The following NREP variants were observed in gnomAD, a reference collection of about 807,000 sequenced individuals.
NREP encodes the protein neuronal regeneration related protein, also known as neuronal regeneration-related protein.
Under a neutral mutation model 8.6 loss-of-function variants are expected in NREP, and 5 were observed. The ratio of observed to expected loss-of-function variants is 0.58; its 90% confidence interval spans 0.30 to 1.22. The LOEUF (loss-of-function observed/expected upper bound fraction) is 1.22, where lower values mean the gene tolerates loss of function less well. Among genes scored for constraint, NREP ranks in the 50% most tolerant of loss-of-function variants. The pLI, the probability that NREP is intolerant of heterozygous loss-of-function variation, is 0.07. For missense variants in NREP, 86 were observed against 82.5 expected (o/e 1.04, Z -0.17); for synonymous variants, 27 against 28.0 (o/e 0.96, Z 0.11).
intron 2 of NREP, among the ~76,000 whole-genome samples, chr5:111,780,033 G>T (rs544337593): frequency 6.6e-6 from 1 of 152,198 alleles, no homozygotes; most frequent in Non-Finnish European, 1.5e-5. Context: ...TCCAATGCAC[G>T]CTAGTGCAAT....
chr5:111,953,305 C>T (rs1194390389), intron 2 of NREP, among the ~76,000 whole-genome samples: 1 of 152,276 alleles, frequency 6.6e-6, no homozygotes, highest in East Asian at 1.9e-4. Flanking sequence ...TTGCAGCAAA[C>T]ATGGCAGTGG....
chr5:111,833,438 C>T (rs577362850), intron 2 of NREP, among the ~76,000 whole-genome samples: 1 of 152,204 alleles, frequency 6.6e-6, no homozygotes, highest in Admixed American at 6.5e-5. Flanking sequence ...TCATTCTAGA[C>T]TTTTCTCCTT....
intron 2 of NREP, among the ~76,000 whole-genome samples, chr5:111,795,648 G>C (rs1395947203): frequency 6.6e-6 from 1 of 152,030 alleles, no homozygotes; most frequent in African/African-American, 2.4e-5. Context: ...CAGTCATTTT[G>C]CATTTTTGTT....
intron 2 of NREP, among the ~76,000 whole-genome samples, chr5:111,865,250 A>C (rs976525771): frequency 5.9e-5 from 9 of 152,112 alleles, no homozygotes; most frequent in African/African-American, 2.2e-4. Context: ...GATTTGCAAA[A>C]ATTTTTTCTA....
intron 3 of NREP, among the ~76,000 whole-genome samples, chr5:111,731,257 A>G (rs1454013819): frequency 6.6e-6 from 1 of 152,148 alleles, no homozygotes; most frequent in East Asian, 1.9e-4. Context: ...GTAATTAAAC[A>G]CTGGCCACCT....
chr5:111,763,645 G>C (rs1202907098), intron 2 of NREP, among the ~76,000 whole-genome samples: 1 of 152,188 alleles, frequency 6.6e-6, no homozygotes. Flanking sequence ...CCTCCTTCTT[G>C]CCTTAAAACT....
chr5:111,874,908 G>C (rs962386873), intron 2 of NREP, among the ~76,000 whole-genome samples: 1 of 152,088 alleles, frequency 6.6e-6, no homozygotes, highest in African/African-American at 2.4e-5. Flanking sequence ...GAGTAGGCTA[G>C]GATATCTGAA....
chr5:111,758,377 T>C (rs6594535), upstream of NREP, among the ~76,000 whole-genome samples: 41,482 of 152,232 alleles, frequency 0.27, 6,327 homozygotes, highest in Non-Finnish European at 0.34. Flanking sequence ...AAATCGAGGA[T>C]TGCTTTAAAA....
At chr5:111,732,707 T>A (rs1748709925) in intron 3 of NREP, 1 of 150,900 alleles carries the variant, frequency 6.6e-6, no homozygotes, top group Non-Finnish European at 1.5e-5. Flanking sequence ...CCAGTGTCTT[T>A]AAAATAATGC....
chr5:111,838,026 T>TTAGA (rs1212900572), intron 2 of NREP, among the ~76,000 whole-genome samples: 2 of 152,032 alleles, frequency 1.3e-5, no homozygotes, highest in African/African-American at 4.8e-5. Context: ...AATACAGGGG[T>TTAGA]TAGATTAGCA....
At chr5:111,935,702 G>T (rs951265116) in intron 2 of NREP, among the ~76,000 whole-genome samples, 1 of 152,036 alleles carries the variant, frequency 6.6e-6, no homozygotes, top group Admixed American at 6.6e-5. Context: ...GAGTAAAATT[G>T]TAACGTCCAC....
chr5:111,938,609 T>C (rs1385754267), intron 2 of NREP, among the ~76,000 whole-genome samples: 1 of 152,072 alleles, frequency 6.6e-6, no homozygotes, highest in Non-Finnish European at 1.5e-5. Flanking sequence ...ATGTGTGACC[T>C]CTAGAACAAG....
At chr5:111,753,557 A>G (rs1267885177) in intron 2 of NREP, among the ~76,000 whole-genome samples, 3 of 152,022 alleles carry the variant, frequency 2.0e-5, no homozygotes, top group Non-Finnish European at 4.4e-5. Flanking sequence ...CACTAAAATG[A>G]GCTGATTATA....
upstream of NREP, chr5:111,757,358 G>A: frequency 1.1e-6 from 1 of 913,386 alleles, no homozygotes; most frequent in South Asian, 5.0e-5. Flanking sequence ...GGAAAAAGGA[G>A]GAGGAGATCA....
chr5:111,758,079 C>G, upstream of NREP: 1 of 985,522 alleles, frequency 1.0e-6, no homozygotes, highest in Admixed American at 6.1e-5. Context: ...ACAAAGAGTC[C>G]GCGAAGGATG....
intron 2 of NREP, among the ~76,000 whole-genome samples, chr5:111,899,402 T>C (rs1268910967): frequency 1.3e-5 from 2 of 152,136 alleles, no homozygotes; most frequent in Non-Finnish European, 2.9e-5. Context: ...TAGTACTAGC[T>C]ACTTGGAAGG....
At chr5:111,870,630 A>G (rs1338911396) in intron 2 of NREP, among the ~76,000 whole-genome samples, 1 of 152,122 alleles carries the variant, frequency 6.6e-6, no homozygotes, top group Non-Finnish European at 1.5e-5. Flanking sequence ...TGATGTCCTA[A>G]CCTCCAGCAC....
intron 2 of NREP, among the ~76,000 whole-genome samples, chr5:111,799,478 G>T (rs1415129761): frequency 6.6e-6 from 1 of 152,194 alleles, no homozygotes; most frequent in African/African-American, 2.4e-5. Flanking sequence ...TGTTGAAGAA[G>T]ACCAATTGCC....
chr5:111,894,090 G>C (rs183085969), intron 2 of NREP, among the ~76,000 whole-genome samples: 497 of 151,988 alleles, frequency 3.3e-3, no homozygotes, highest in African/African-American at 0.011. Context: ...ATGGTGGCAG[G>C]CACCTGTAAT....
Sources: allele counts gnomAD v4.1 joint callset (sites outside exome capture counted in the v4.1 genomes callset), GRCh38; gene constraint gnomAD v4.1.1; transcripts MANE v1.5; gene names NCBI Gene and HGNC (gene_info 2026-07-23, HGNC 2026-07-21).